TOGARAM1: variants seen among roughly 807,000 people sequenced by gnomAD.
TOGARAM1 encodes the protein TOG array regulator of axonemal microtubules 1.
A neutral mutation model predicts 166.6 loss-of-function variants in TOGARAM1; 100 were observed. The ratio of observed to expected loss-of-function variants is 0.60; its 90% CI spans 0.51 to 0.71. The LOEUF is 0.71. TOGARAM1 is among the 30% of genes least tolerant of loss of function. The pLI, the probability that TOGARAM1 is intolerant of heterozygous loss-of-function variation, is 0.00. For synonymous variants in TOGARAM1, 758 were observed against 763.8 expected (o/e 0.99, Z 0.13); for missense variants, 2,029 against 2,102.7 (o/e 0.96, Z 0.69).
At chr14:45,071,990 C>CT (rs1036893365) in intron 19 of TOGARAM1, among the ~76,000 whole-genome samples, 192 bp downstream of exon 19, 8 of 151,924 alleles carry the variant, frequency 5.3e-5, no homozygotes, top group Admixed American at 2.6e-4. Flanking sequence ...GAATTTTATC[C>CT]TTTTTTTTCC....
At chr14:44,966,225 A>C (rs1044880819) in intron 1 of TOGARAM1, among the ~76,000 whole-genome samples, 1 of 151,582 alleles carries the variant, frequency 6.6e-6, no homozygotes, top group East Asian at 2.0e-4. Context: ...TAATGCCAGC[A>C]CTTTGGGAGG....
chr14:44,991,521 G>A (rs539573374), intron 1 of TOGARAM1, among the ~76,000 whole-genome samples: 12 of 152,202 alleles, frequency 7.9e-5, no homozygotes, highest in Non-Finnish European at 1.6e-4. Flanking sequence ...CAATAGTTCC[G>A]TTTTTAGGAC....
At chr14:45,053,289 A>T (rs1882471620) in intron 15 of TOGARAM1, among the ~76,000 whole-genome samples, 1 of 151,584 alleles carries the variant, frequency 6.6e-6, no homozygotes, top group Admixed American at 6.6e-5. Context: ...GATCCGCCTG[A>T]CTCGGCCTCC....
intron 11 of TOGARAM1, among the ~76,000 whole-genome samples, chr14:45,040,186 C>A (rs1160846309): frequency 6.6e-6 from 1 of 152,106 alleles, no homozygotes; most frequent in Non-Finnish European, 1.5e-5. Context: ...AACTAAGTAA[C>A]ACACTTATAT....
intron 6 of TOGARAM1, 89 bp downstream of exon 6, chr14:45,009,234 A>ATGGT: frequency 1.1e-6 from 1 of 949,360 alleles, no homozygotes; most frequent in Non-Finnish European, 1.6e-6. Flanking sequence ...ACTTAAAACC[A>ATGGT]TTTATGTTTT....
At chr14:45,020,514 T>A (rs1367294642) in intron 7 of TOGARAM1, among the ~76,000 whole-genome samples, 1 of 152,244 alleles carries the variant, frequency 6.6e-6, no homozygotes, top group African/African-American at 2.4e-5. Flanking sequence ...CTGCCTAGCA[T>A]TCCTGCTCGG....
intron 6 of TOGARAM1, among the ~76,000 whole-genome samples, chr14:45,011,160 G>A (rs1347773595): frequency 6.6e-6 from 1 of 152,136 alleles, no homozygotes; most frequent in African/African-American, 2.4e-5. Flanking sequence ...TGTCAGGAAA[G>A]TACAGGAAAG....
At chr14:44,981,136 G>A (rs1397335896) in intron 1 of TOGARAM1, among the ~76,000 whole-genome samples, 1 of 152,122 alleles carries the variant, frequency 6.6e-6, no homozygotes, top group Non-Finnish European at 1.5e-5. Context: ...AATTAATTTG[G>A]GGGGAAATAT....
rs117477200 is a variant in TOGARAM1 at position 44,963,995 on chromosome 14, G to A, written c.1574G>A (p.Arg525Lys). 1.2e-6 allele frequency: 2 copies of A among 1,614,188 alleles called. No individual in the cohort carries two copies. Among genetic ancestry groups the A allele is most frequent in the East Asian group, 2.2e-5 (1 of 44,880 alleles). Reference protein sequence around the residue: ...LAPALVDSKRRVRQAALEAFA... With the variant: ...LAPALVDSKRKVRQAALEAFA... ...CCAGCTCTTGTAGATAGCAAACGCA[G>A]GGTACGCCAAGCAGCTTTAGAAGCT... Residue 525 changes from arginine to lysine, a missense_variant, in exon 1 of 20, where the codon AGG becomes AAG. Coordinates refer to ENST00000361462, the MANE Select transcript of TOGARAM1 (RefSeq NM_001308120.2).
intron 16 of TOGARAM1, among the ~76,000 whole-genome samples, chr14:45,066,020 C>T (rs1306977341): frequency 6.6e-6 from 1 of 152,212 alleles, no homozygotes; most frequent in African/African-American, 2.4e-5. Flanking sequence ...TTTACTGCGC[C>T]TAAATTGTTT....
At chr14:44,985,364 A>G (rs1055305871) in intron 1 of TOGARAM1, among the ~76,000 whole-genome samples, 2 of 152,180 alleles carry the variant, frequency 1.3e-5, no homozygotes, top group South Asian at 2.1e-4. Context: ...ACATCATCCC[A>G]AAGCATATAT....
At position 45,068,566 on chromosome 14, in the gene TOGARAM1, A is replaced by AT; in HGVS notation, c.4893dup (p.Asn1632Ter). ...AACATGCTAATTCCAGCAATAGTGGATAACAATCTGAATTCCAAGAATCCA... is the reference window on the plus strand; with the variant it reads ...AACATGCTAATTCCAGCAATAGTGGATTAACAATCTGAATTCCAAGAATCCA... On this transcript the variant is annotated frameshift_variant, in exon 18 of 20. Transcript: ENST00000361462. LOFTEE classifies it high-confidence loss of function. The AT allele has an allele frequency of 6.2e-7, 1 of 1,613,452 alleles. No individual in the cohort carries two copies. Among genetic ancestry groups the AT allele is most frequent in the South Asian group, 1.1e-5 (1 of 90,966 alleles).
intron 13 of TOGARAM1, among the ~76,000 whole-genome samples, chr14:45,046,204 T>G (rs553860806): frequency 9.1e-4 from 138 of 152,036 alleles, no homozygotes; most frequent in Non-Finnish European, 1.6e-3. Context: ...GAGGCCAAGG[T>G]GAGAAGATCC....
At chr14:45,045,543 G>GTGTGTGTGTA (rs1457434775) in intron 13 of TOGARAM1, among the ~76,000 whole-genome samples, 1 of 38,914 alleles carries the variant, frequency 2.6e-5, no homozygotes, top group African/African-American at 9.2e-5. Context: ...GTCTGTGTGT[G>GTGTGTGTGTA]TATATATATA....
In TOGARAM1 at chr14:45,073,325, C is replaced by G; in HGVS notation, c.5086C>G (p.Pro1696Ala). The G allele has an allele frequency of 6.2e-7, 1 of 1,613,386 alleles. No individual in the cohort carries two copies. Among genetic ancestry groups the G allele is most frequent in the Admixed American group, 1.7e-5 (1 of 59,912 alleles). Reference protein sequence around the residue: ...DIVTELYQRKPHATEQKVLVV... With the variant: ...DIVTELYQRKAHATEQKVLVV... ...TGTTACGGAACTTTATCAAAGGAAG[C>G]CGCATGCCACAGAGCAGAAAGTGTT... Residue 1696 changes from proline to alanine, a missense_variant, in exon 20 of 20, where the codon CCG becomes GCG. Pro to Ala is a conservative substitution (Grantham distance 27). Coordinates refer to ENST00000361462, the MANE Select transcript of TOGARAM1 (RefSeq NM_001308120.2).
In TOGARAM1 at chr14:45,012,036, A is replaced by C. The variant is rs756199856; in HGVS notation, c.3199A>C (p.Lys1067Gln). 2 of 1,611,192 alleles carry C rather than the reference A, an allele frequency of 1.2e-6. No homozygotes were observed. The highest frequency in any genetic ancestry group is 4.5e-5 in the East Asian group (2 of 44,740). Reference protein sequence around the residue: ...PCPTRLSSAKKKISHIAEQSP... With the variant: ...PCPTRLSSAKQKISHIAEQSP... ...TCCAACAAGACTTTCTTCTGCAAAG[A>C]AAAAAATTTCTCATATTGCTGAACA... Residue 1067 changes from lysine to glutamine, a missense_variant, in exon 7 of 20, where the codon AAA (lysine) becomes CAA (glutamine). Physicochemically the swap from Lys to Gln is moderately conservative, Grantham distance 53. Around this residue, in one of 2 missense-constraint regions of TOGARAM1, gnomAD observed 1,453 missense variants for 1,432.2 expected, o/e 1.01. Coordinates refer to ENST00000361462, the MANE Select transcript of TOGARAM1 (RefSeq NM_001308120.2).
intron 15 of TOGARAM1, among the ~76,000 whole-genome samples, chr14:45,053,859 C>T (rs1051993341): frequency 3.3e-5 from 5 of 151,510 alleles, no homozygotes; most frequent in Non-Finnish European, 5.9e-5. Context: ...AGAGTAGTTA[C>T]GAAATACAGC....
intron 3 of TOGARAM1, among the ~76,000 whole-genome samples, chr14:45,000,156 G>A (rs901653626): frequency 1.3e-5 from 2 of 151,904 alleles, no homozygotes; most frequent in East Asian, 1.9e-4. Flanking sequence ...ACGCCACCAC[G>A]CCCAGGTAAT....
chr14:45,035,263 G>A (rs1695736390), intron 11 of TOGARAM1, among the ~76,000 whole-genome samples: 1 of 152,106 alleles, frequency 6.6e-6, no homozygotes, highest in African/African-American at 2.4e-5. Flanking sequence ...GGGCGACTGG[G>A]GCAGGAGAAT....
Sources: gnomAD v4.1 joint callset for allele counts (sites outside exome capture counted in the v4.1 genomes callset) on GRCh38, gnomAD v4.1.1 for gene constraint, gnomAD v4.1.1 regional missense constraint, MANE v1.5 for transcripts, NCBI Gene and HGNC (gene_info 2026-07-23, HGNC 2026-07-21) for gene names.